The following RASAL3 variants were observed in gnomAD, a reference collection of about 807,000 sequenced individuals.
RASAL3 encodes the protein RAS protein activator like 3, also known as RAS protein activator like-3.
A neutral mutation model predicts 105.5 loss-of-function variants in RASAL3; 74 were observed. That is an observed-to-expected ratio of 0.70 (90% CI 0.58 to 0.85). RASAL3 has a LOEUF of 0.85. RASAL3 is among the 40% of genes least tolerant of loss of function. RASAL3 has a pLI of 0.00. For missense variants in RASAL3, 1,352 were observed against 1,392.0 expected, an observed-to-expected ratio of 0.97 and a Z score of 0.46; for synonymous variants, 579 against 591.6, an observed-to-expected ratio of 0.98 and a Z score of 0.31.
At chr19:15,452,858 CCT>C in intron 15 of RASAL3, 43 bp from the exon 16 acceptor site, 1 of 1,493,070 alleles carries the variant, frequency 6.7e-7, no homozygotes, top group Non-Finnish European at 9.0e-7. Context: ...TTGTCCCGCC[CCT>C]GTGTCTCCCC....
intron 2 of RASAL3, among the ~76,000 whole-genome samples, chr19:15,462,686 C>T (rs1970547360): frequency 6.6e-6 from 1 of 152,144 alleles, no homozygotes; most frequent in African/African-American, 2.4e-5. Flanking sequence ...GGCGCGGTGG[C>T]TCACGCCTGT....
At chr19:15,458,307 C>G in intron 8 of RASAL3, 21 bp downstream of exon 8, 1 of 1,608,240 alleles carries the variant, frequency 6.2e-7, no homozygotes, top group South Asian at 1.1e-5. Flanking sequence ...CTCCGTGTCC[C>G]GCTTTTCTGA....
chr19:15,459,817 A>G (rs1320722050), intron 6 of RASAL3, among the ~76,000 whole-genome samples: 1 of 152,064 alleles, frequency 6.6e-6, no homozygotes, highest in Non-Finnish European at 1.5e-5. Flanking sequence ...GAGCCACTTC[A>G]CCCAGCCCTC....
intron 2 of RASAL3, among the ~76,000 whole-genome samples, chr19:15,462,517 A>C (rs1970542295): frequency 6.6e-6 from 1 of 152,060 alleles, no homozygotes; most frequent in African/African-American, 2.4e-5. Context: ...ACAAAATGGG[A>C]ATATAAGCAG....
At position 15,461,077 on chromosome 19, in the gene RASAL3, G is replaced by T; in HGVS notation, c.589C>A (p.Gln197Lys). The T allele has an allele frequency of 2.5e-6, 4 of 1,613,900 alleles. No homozygotes were observed. The highest frequency in any genetic ancestry group is 3.4e-6 in the Non-Finnish European group (4 of 1,179,866). ...KTEPETAGPN[Q>K]VHNVRGLLKR... is the part of the protein sequence containing the mutation. ...TGCCTTACCCGAACGTTGTGGACCT[G>T]GTTGGGACCAGCAGTCTCCGGTTCT... The change falls in exon 5 of 18, where the codon CAG (glutamine) becomes AAG (lysine). Residue 197 changes from glutamine (Q) to lysine (K), a missense_variant. Gln to Lys is a moderately conservative substitution (Grantham distance 53). This residue lies in a region of RASAL3 where 344 missense variants were observed against 339.6 expected (regional missense o/e 1.01). Coordinates refer to ENST00000343625, the MANE Select transcript of RASAL3 (RefSeq NM_022904.3).
Position 15,452,047 on chromosome 19 carries a change from G to A in RASAL3, c.2890C>T (p.Leu964=). 6.2e-7 allele frequency: 1 copy of A among 1,613,938 alleles called. No individual in the cohort carries two copies. Among genetic ancestry groups the A allele is most frequent in the Non-Finnish European group, 8.5e-7 (1 of 1,179,858 alleles). The change falls in exon 17 of 18, where the codon CTG becomes TTG. Residue 964 remains leucine, a splice_region_variant and synonymous_variant. Transcript: ENST00000343625. ...TSNEGHSLKN[L]EHRLNEMERT... ...CAGGGCTCAGATGGCAATCTCACCA[G>A]GTTTTTCAGACTGTGCCCTTCATTG...
intron 2 of RASAL3, among the ~76,000 whole-genome samples, chr19:15,462,982 G>A: frequency 6.6e-6 from 1 of 151,784 alleles, no homozygotes; most frequent in East Asian, 1.9e-4. Context: ...CTGGGCCCTA[G>A]GCTAGTGTTA....
chr19:15,463,409 G>A (rs1269774084), intron 2 of RASAL3, among the ~76,000 whole-genome samples: 1 of 152,086 alleles, frequency 6.6e-6, no homozygotes, highest in East Asian at 1.9e-4. Flanking sequence ...TCATTTTCTT[G>A]TTGATGGATT....
At chr19:15,461,328 G>A (rs772276318) in intron 3 of RASAL3, 32 bp from the exon 4 acceptor site, 4 of 1,603,162 alleles carry the variant, frequency 2.5e-6, no homozygotes, top group East Asian at 2.2e-5. Context: ...TAGTCAGAGA[G>A]GGGAGGCAGG....
Position 15,452,084 on chromosome 19 carries a change from G to A in RASAL3, c.2853C>T (p.His951=), listed in dbSNP as rs1970168700. The change falls in exon 17 of 18, where the codon CAC becomes CAT. Residue 951 remains histidine, a synonymous_variant. Transcript: ENST00000343625. The part of the protein sequence containing the change: ...RAGSSEFDSE[H]NLTSNEGHSL... The stretch of plus-strand genomic sequence containing the variant: ...TGTGCCCTTCATTGCTTGTTAGGTT[G>A]TGCTCTGAATCAAACTCTGAGCTCC... 2.5e-6 allele frequency: 4 copies of A among 1,613,786 alleles called. No individual in the cohort carries two copies. The highest frequency in any genetic ancestry group is 1.7e-5 in the Admixed American group (1 of 60,006).
chr19:15,461,296 C>G lies in RASAL3; in HGVS notation c.466G>C (p.Gly156Arg). 2 of 1,612,928 alleles carry G rather than the reference C, an allele frequency of 1.2e-6. No homozygotes were observed. The highest frequency in any genetic ancestry group is 1.7e-6 in the Non-Finnish European group (2 of 1,179,512). ...KLVLLGGEEE[G>R]PRRPRVGSAS... ...CTTCCCACCCGGGGCCTTCGAGGACCCTGTTCTCCCGCAGGAGTGGGTAGT... is the reference window on the plus strand; with the variant it reads ...CTTCCCACCCGGGGCCTTCGAGGACGCTGTTCTCCCGCAGGAGTGGGTAGT... The change falls in exon 4 of 18, where the codon GGT (glycine) becomes CGT (arginine). Residue 156 changes from glycine (G) to arginine (R), a missense_variant and splice_region_variant. Around this residue, in one of 3 missense-constraint regions of RASAL3, gnomAD observed 344 missense variants for 339.6 expected, o/e 1.01. Coordinates refer to ENST00000343625, the MANE Select transcript of RASAL3 (RefSeq NM_022904.3).
At chr19:15,461,188 GC>G in intron 4 of RASAL3, 29 bp downstream of exon 4, 1 of 1,613,276 alleles carries the variant, frequency 6.2e-7, no homozygotes, top group Non-Finnish European at 8.5e-7. Flanking sequence ...CCTCCCAAAT[GC>G]CCCAGGCCTT....
intron 11 of RASAL3, 55 bp from the exon 12 acceptor site, chr19:15,454,948 T>A: frequency 7.3e-7 from 1 of 1,362,812 alleles, no homozygotes. Context: ...GCATAAAGGT[T>A]AAAGTCATAA....
Position 15,456,773 on chromosome 19 carries a change from C to T in RASAL3, c.1432-127G>A. 1.7e-6 allele frequency: 2 copies of T among 1,155,544 alleles called. No individual in the cohort carries two copies. The highest frequency in any genetic ancestry group is 2.4e-6 in the Non-Finnish European group (2 of 823,240). The allele number at this position is 1,155,544 out of a possible 1,614,324, so 71.6% of individuals were successfully genotyped here. A position where few individuals can be genotyped will look rare whatever the true frequency, so the allele number is the denominator to read the frequency against. ...TTGTAGCTGATGCTTAGGCCCAGTC[C>T]TTACTGCTGGGGCTCATAACCGAGG... is the stretch of plus-strand genomic sequence containing the variant. On this transcript the variant is annotated intron_variant, in intron 9 of 17. Coordinates refer to ENST00000343625, the MANE Select transcript of RASAL3 (RefSeq NM_022904.3). This position sits in a 1 kb window ranked among gnomAD's most constrained non-coding sequence, Gnocchi z 4.4.
Position 15,453,483 on chromosome 19 carries a change from T to C in RASAL3, c.2294A>G (p.Glu765Gly). 6.5e-7 allele frequency: 1 copy of C among 1,530,854 alleles called. No homozygotes were observed. Among genetic ancestry groups the C allele is most frequent in the Admixed American group, 2.3e-5 (1 of 42,884 alleles). The allele number at this position is 1,530,854 out of a possible 1,614,324, so 94.8% of individuals were successfully genotyped here. The change falls in exon 15 of 18, where the codon GAG becomes GGG. Residue 765 changes from glutamate (E) to glycine (G), a missense_variant. By Grantham distance (98) the Glu-to-Gly change is moderately conservative. Transcript: ENST00000343625. This position sits in a 1 kb window ranked among gnomAD's most constrained non-coding sequence, Gnocchi z 4.2. The part of the protein sequence containing the change: ...AQVHSSLSAG[E>G]KPGFLAPRDL... ...CCGGGGGGCCAGGAAGCCGGGCTTC[T>C]CCCCTGCGGAGAGGCTAGGGGTGGG...
chr19:15,460,295 TGCTCCTTCCTCA>T (rs756376623), intron 5 of RASAL3, 37 bp from the exon 6 acceptor site: 2 of 1,581,526 alleles, frequency 1.3e-6, no homozygotes, highest in Admixed American at 1.8e-5. Flanking sequence ...CAGAAATCTG[TGCTCCTTCCTCA>T]GCTCCTTCCC....
At position 15,457,956 on chromosome 19, in the gene RASAL3, C is replaced by T. The variant is rs1220808524; in HGVS notation, c.889-122G>A. On this transcript the variant is annotated intron_variant, in intron 8 of 17. Coordinates refer to ENST00000343625, the MANE Select transcript of RASAL3 (RefSeq NM_022904.3). The surrounding 1 kb of genome is among the most constrained non-coding windows in gnomAD (Gnocchi z 8.6). ...CGGGTCCCTAGGGAGATTGCTGGGCCTTTGGGGAAAGAAGTGGAGCCACGG... is the reference window on the plus strand; with the variant it reads ...CGGGTCCCTAGGGAGATTGCTGGGCTTTTGGGGAAAGAAGTGGAGCCACGG... 1.7e-6 allele frequency: 2 copies of T among 1,188,900 alleles called. No homozygotes were observed. Among genetic ancestry groups the T allele is most frequent in the Admixed American group, 2.7e-5 (1 of 37,452 alleles). The allele number at this position is 1,188,900 out of a possible 1,614,324, so 73.6% of individuals were successfully genotyped here.
In RASAL3 at chr19:15,461,134, A is replaced by T. The variant is rs2145487145; in HGVS notation, c.545-13T>A. 3 of 1,613,796 alleles carry T rather than the reference A, an allele frequency of 1.9e-6. No individual in the cohort carries two copies. The highest frequency in any genetic ancestry group is 2.2e-5 in the South Asian group (2 of 91,048). On this transcript the variant is annotated splice_polypyrimidine_tract_variant and intron_variant, in intron 4 of 17. Transcript: ENST00000343625. ...CCAGGCATCCGATCTGTGGGTCGTT[A>T]TGGGTGGCAGGTTGGGGGGTTGGAT...
intron 2 of RASAL3, among the ~76,000 whole-genome samples, chr19:15,462,406 A>C (rs1345154306): frequency 6.6e-6 from 1 of 151,808 alleles, no homozygotes; most frequent in African/African-American, 2.4e-5. Context: ...GAATCTCTTG[A>C]ACTTGGGAGG....
Sources: allele counts gnomAD v4.1 joint callset (sites outside exome capture counted in the v4.1 genomes callset), GRCh38; gene constraint gnomAD v4.1.1; regional missense constraint gnomAD v4.1.1; non-coding constraint Gnocchi (gnomAD v3.1); transcripts MANE v1.5; gene names NCBI Gene and HGNC (gene_info 2026-07-23, HGNC 2026-07-21).